Variants in PLEKHB2 observed in about 807,000 individuals in gnomAD.
PLEKHB2 encodes the protein pleckstrin homology domain-containing family B member 2.
Under a neutral mutation model 36.5 loss-of-function variants are expected in PLEKHB2, and 31 were observed. The observed-to-expected ratio is 0.85, with a 90% CI of 0.64 to 1.15. The LOEUF (loss-of-function observed/expected upper bound fraction) is 1.15, where lower values mean the gene tolerates loss of function less well. Among genes scored for constraint, PLEKHB2 ranks in the 50% most tolerant of loss-of-function variants. PLEKHB2 has a pLI of 0.00. For synonymous variants in PLEKHB2, 119 were observed against 112.0 expected (o/e 1.06, Z -0.39); for missense variants, 262 against 295.3 (o/e 0.89, Z 0.83).
intron 6 of PLEKHB2, among the ~76,000 whole-genome samples, chr2:131,135,931 A>G (rs548506765): frequency 6.6e-6 from 1 of 152,274 alleles, no homozygotes; most frequent in African/African-American, 2.4e-5. Context: ...TTAAGTATGC[A>G]TTCATTTATT....
intron 2 of PLEKHB2, 25 bp from the exon 3 acceptor site, chr2:131,125,728 C>G (rs763333132): frequency 2.0e-5 from 30 of 1,487,130 alleles, no homozygotes; most frequent in Non-Finnish European, 1.0e-5. Context: ...AAAAAAAAAA[C>G]AACCGTACTA....
intron 6 of PLEKHB2, among the ~76,000 whole-genome samples, chr2:131,135,214 G>A (rs1559094709): frequency 6.6e-6 from 1 of 151,968 alleles, no homozygotes; most frequent in Non-Finnish European, 1.5e-5. Context: ...CGGGATTACA[G>A]GCACGTGCCA....
At chr2:131,136,358 A>G (rs1356661352) in intron 6 of PLEKHB2, among the ~76,000 whole-genome samples, 1 of 150,882 alleles carries the variant, frequency 6.6e-6, no homozygotes, top group African/African-American at 2.5e-5. Flanking sequence ...CTCCTGAGCC[A>G]CCATGGCTGC....
At chr2:131,109,114 C>T (rs1695023083) in intron 1 of PLEKHB2, among the ~76,000 whole-genome samples, 1 of 152,168 alleles carries the variant, frequency 6.6e-6, no homozygotes, top group Admixed American at 6.6e-5. Context: ...GGAAGAATCC[C>T]TTGAGCCCAG....
chr2:131,135,175 G>A (rs1460052351), intron 6 of PLEKHB2, among the ~76,000 whole-genome samples: 1 of 151,570 alleles, frequency 6.6e-6, no homozygotes, highest in African/African-American at 2.4e-5. Context: ...GGGTTCAAGC[G>A]ATTCTCCTGC....
chr2:131,136,141 C>T (rs1012386083), intron 6 of PLEKHB2, among the ~76,000 whole-genome samples: 3 of 150,732 alleles, frequency 2.0e-5, no homozygotes, highest in Non-Finnish European at 4.4e-5. Flanking sequence ...CAGTTGCTTG[C>T]CTGCCTGTCT....
chr2:131,138,036 T>A (rs942788833), intron 6 of PLEKHB2, among the ~76,000 whole-genome samples: 1 of 149,288 alleles, frequency 6.7e-6, no homozygotes, highest in Non-Finnish European at 1.5e-5. Context: ...TTTTTTTTTT[T>A]ACTTCAATCT....
intron 6 of PLEKHB2, among the ~76,000 whole-genome samples, chr2:131,136,325 T>C (rs573221232): frequency 6.6e-6 from 1 of 151,058 alleles, no homozygotes; most frequent in East Asian, 1.9e-4. Context: ...ATTCCTGGGC[T>C]GAGGCAATCC....
intron 2 of PLEKHB2, among the ~76,000 whole-genome samples, chr2:131,123,766 A>ACTCCCCCCCCCCCCCCC (rs1696780168): frequency 8.7e-5 from 1 of 11,530 alleles, no homozygotes; most frequent in African/African-American, 3.2e-4. Context: ...CTCCTGGTCC[A>ACTCCCCCCCCCCCCCCC]CCCCCCCCAC....
At chr2:131,145,218 A>T (rs540342144) in intron 7 of PLEKHB2, among the ~76,000 whole-genome samples, 1 of 152,224 alleles carries the variant, frequency 6.6e-6, no homozygotes, top group Non-Finnish European at 1.5e-5. Context: ...TCAGTTGAGT[A>T]AGAGCATTCC....
At chr2:131,133,510 G>A (rs1697929332) in intron 6 of PLEKHB2, among the ~76,000 whole-genome samples, 1 of 152,204 alleles carries the variant, frequency 6.6e-6, no homozygotes, top group Admixed American at 6.5e-5. Flanking sequence ...AGCTTTGAGA[G>A]TCTCATGTGC....
intron 7 of PLEKHB2, among the ~76,000 whole-genome samples, chr2:131,141,199 C>T (rs1698745540): frequency 6.6e-6 from 1 of 152,098 alleles, no homozygotes; most frequent in Non-Finnish European, 1.5e-5. Flanking sequence ...ATGCATTTAG[C>T]ACTTAAAATG....
At chr2:131,129,498 C>T (rs1378667705) in intron 4 of PLEKHB2, among the ~76,000 whole-genome samples, 2 of 151,976 alleles carry the variant, frequency 1.3e-5, no homozygotes, top group African/African-American at 4.8e-5. Context: ...AGGGAGTGCA[C>T]AAGAGAACAC....
At chr2:131,133,665 C>T (rs1407799646) in intron 6 of PLEKHB2, among the ~76,000 whole-genome samples, 1 of 152,214 alleles carries the variant, frequency 6.6e-6, no homozygotes, top group Non-Finnish European at 1.5e-5. Flanking sequence ...ATAAAGAATT[C>T]TTCACAAAAT....
chr2:131,110,558 T>G (rs1695201105), intron 1 of PLEKHB2, among the ~76,000 whole-genome samples: 3 of 152,120 alleles, frequency 2.0e-5, no homozygotes, highest in African/African-American at 7.2e-5. Context: ...TATTTTTTTG[T>G]TGAGAATGTC....
chr2:131,106,313 A>G (rs2104747813), intron 1 of PLEKHB2, among the ~76,000 whole-genome samples: 1 of 152,308 alleles, frequency 6.6e-6, no homozygotes, highest in Middle Eastern at 3.4e-3. Flanking sequence ...GGGTGGAACC[A>G]CCACCGAGGG....
intron 5 of PLEKHB2, 105 bp from the exon 6 acceptor site, chr2:131,132,796 TG>T: frequency 2.9e-6 from 2 of 692,252 alleles, no homozygotes; most frequent in Admixed American, 2.3e-5. Context: ...TGTATCTTTT[TG>T]TTTTTTTAAA....
At position 131,112,151 on chromosome 2, in the gene PLEKHB2, GTTCA is replaced by G. The variant is rs879420432; in HGVS notation, c.-9+6754_-9+6757del. Reference sequence around the variant, plus strand: ...CCAACCTTCCAGGAAGGAGAGAGGGGTTCAAGGTGATGTTGATCACCAGTGGCTG... The same window carrying G: ...CCAACCTTCCAGGAAGGAGAGAGGGGAGGTGATGTTGATCACCAGTGGCTG... On this transcript the variant is annotated intron_variant, in intron 1 of 7. Coordinates refer to ENST00000693505, the MANE Select transcript of PLEKHB2 (RefSeq NM_001100623.2). Among the ~76,000 whole-genome samples the G allele has an allele frequency of 7.9e-3, 1,207 of 152,298 alleles. 11 individuals are homozygous for G. Among genetic ancestry groups the G allele is most frequent in the Non-Finnish European group, 0.013 (882 of 68,026 alleles).
intron 1 of PLEKHB2, among the ~76,000 whole-genome samples, chr2:131,106,147 C>T (rs901952026): frequency 1.3e-5 from 2 of 152,160 alleles, no homozygotes; most frequent in African/African-American, 4.8e-5. Context: ...ATCCCCGCCC[C>T]GCCACCCCGC....
Sources: gnomAD v4.1 joint callset for allele counts (sites outside exome capture counted in the v4.1 genomes callset) on GRCh38, gnomAD v4.1.1 for gene constraint, MANE v1.5 for transcripts, NCBI Gene and HGNC (gene_info 2026-07-23, HGNC 2026-07-21) for gene names.